The following SGCD variants were observed in gnomAD, a reference collection of about 807,000 sequenced individuals.
The protein encoded by SGCD is sarcoglycan delta.
A neutral mutation model predicts 36.6 loss-of-function variants in SGCD; 18 were observed. The observed-to-expected ratio is 0.49, with a 90% CI of 0.34 to 0.73. SGCD has a LOEUF of 0.73. Ranked by LOEUF, SGCD falls within the 30% of genes least tolerant of loss-of-function variation. SGCD has a pLI of 0.01. For synonymous variants in SGCD, 133 were observed against 130.6 expected, an observed-to-expected ratio of 1.02 and a Z score of -0.12; for missense variants, 387 against 346.7, an observed-to-expected ratio of 1.12 and a Z score of -0.92.
intron 4 of SGCD, among the ~76,000 whole-genome samples, chr5:156,544,005 G>A (rs960813180): frequency 6.6e-6 from 1 of 152,190 alleles, no homozygotes; most frequent in African/African-American, 2.4e-5. Flanking sequence ...GTGTATTCCA[G>A]TGAAGAGGCA....
chr5:155,898,017 A>G (rs1445768653), intron 1 of SGCD, among the ~76,000 whole-genome samples: 2 of 152,250 alleles, frequency 1.3e-5, no homozygotes, highest in Non-Finnish European at 1.5e-5. Flanking sequence ...ACGAATGAGT[A>G]TATGAATGAA....
At chr5:156,291,160 AG>A (rs1293373272) in intron 3 of SGCD, among the ~76,000 whole-genome samples, 1 of 152,152 alleles carries the variant, frequency 6.6e-6, no homozygotes, top group Non-Finnish European at 1.5e-5. Flanking sequence ...GTTAGACAGA[AG>A]GTACAAGTTT....
At chr5:156,516,768 A>G (rs1355773594) in intron 4 of SGCD, among the ~76,000 whole-genome samples, 1 of 152,172 alleles carries the variant, frequency 6.6e-6, no homozygotes, top group African/African-American at 2.4e-5. Flanking sequence ...AGGCCGAGGC[A>G]CATGGATCAC....
the SGCD span, among the ~76,000 whole-genome samples, chr5:155,814,224 T>A: frequency 6.6e-6 from 1 of 152,240 alleles, no homozygotes; most frequent in Non-Finnish European, 1.5e-5. Context: ...ATTACCTTGG[T>A]CCTCTCCACT....
chr5:155,864,413 G>T, the SGCD span, among the ~76,000 whole-genome samples: 1 of 152,082 alleles, frequency 6.6e-6, no homozygotes, highest in African/African-American at 2.4e-5. Flanking sequence ...TGAGCCAAAG[G>T]GTGACATCGG....
In SGCD at chr5:156,370,544, A is replaced by G. The variant is rs529967852; in HGVS notation, c.192+25867A>G. ...TGAAGGGCCTATTACTATTCTCTGC[A>G]CACTGGTGTCTGATGAATGATTTAT... On this transcript the variant is annotated intron_variant, in intron 3 of 8. Transcript: ENST00000337851. Among the ~76,000 whole-genome samples, 112 of 152,318 alleles carry G rather than the reference A, an allele frequency of 7.4e-4. 3 individuals are homozygous for G. In the South Asian group the frequency reaches 0.023, roughly 31 times the overall value.
intron 1 of SGCD, among the ~76,000 whole-genome samples, chr5:155,965,572 G>T (rs1757885868): frequency 1.3e-5 from 2 of 152,112 alleles, no homozygotes; most frequent in Non-Finnish European, 2.9e-5. Flanking sequence ...TATCATGAAT[G>T]CAGGATGTGG....
chr5:156,335,688 C>T (rs1443230437), intron 2 of SGCD, among the ~76,000 whole-genome samples: 6 of 152,306 alleles, frequency 3.9e-5, no homozygotes, highest in Admixed American at 6.5e-5. Flanking sequence ...TCTATCCTCA[C>T]GCTGTTCCCT....
intron 7 of SGCD, among the ~76,000 whole-genome samples, chr5:156,653,493 C>CTTTTTTTTTTTTTTTT (rs111458843): frequency 0.043 from 2,051 of 47,902 alleles, 755 homozygotes; most frequent in Middle Eastern, 0.074. Flanking sequence ...CTAAAGCTTG[C>CTTTTTTTTTTTTTTTT]TTTTTTTTTT....
chr5:155,927,304 C>A (rs1757012085), intron 1 of SGCD, among the ~76,000 whole-genome samples: 2 of 152,132 alleles, frequency 1.3e-5, no homozygotes, highest in Admixed American at 1.3e-4. Context: ...AGCTGAAATG[C>A]ATTGGAATGT....
At chr5:156,435,267 AT>A (rs1398034790) in intron 3 of SGCD, among the ~76,000 whole-genome samples, 5 of 152,194 alleles carry the variant, frequency 3.3e-5, no homozygotes, top group Admixed American at 3.3e-4. Context: ...ACGCATTTTA[AT>A]TTGTGCCCTA....
chr5:156,490,082 C>T (rs1314379479), intron 3 of SGCD, among the ~76,000 whole-genome samples: 1 of 151,774 alleles, frequency 6.6e-6, no homozygotes, highest in Non-Finnish European at 1.5e-5. Context: ...TATAAACAAC[C>T]AAACTCTAAC....
At chr5:155,828,805 G>C in the SGCD span, among the ~76,000 whole-genome samples, 1 of 151,878 alleles carries the variant, frequency 6.6e-6, no homozygotes, top group Non-Finnish European at 1.5e-5. Flanking sequence ...CCCTGCCTCA[G>C]CCTCCCAAGT....
chr5:155,933,724 AC>A (rs1351431734), intron 1 of SGCD, among the ~76,000 whole-genome samples: 1 of 152,236 alleles, frequency 6.6e-6, no homozygotes, highest in Non-Finnish European at 1.5e-5. Context: ...ATATGTACCT[AC>A]CTTGAAGATT....
the SGCD span, among the ~76,000 whole-genome samples, chr5:155,820,188 A>G: frequency 2.0e-5 from 3 of 152,296 alleles, no homozygotes; most frequent in Admixed American, 6.5e-5. Context: ...TCAAGCTTTC[A>G]TCAAAGTCTT....
At chr5:155,868,975 T>C (rs10069258), upstream of SGCD, among the ~76,000 whole-genome samples, 21,505 of 152,188 alleles carry the variant, frequency 0.14, 1,859 homozygotes, top group African/African-American at 0.24. Context: ...GAAAAGTGGC[T>C]GGGAATTCTA....
At chr5:156,490,805 A>T (rs1755905987) in intron 3 of SGCD, among the ~76,000 whole-genome samples, 1 of 152,072 alleles carries the variant, frequency 6.6e-6, no homozygotes, top group Non-Finnish European at 1.5e-5. Flanking sequence ...AAAGACAAGG[A>T]TGCCCACTTT....
intron 7 of SGCD, among the ~76,000 whole-genome samples, chr5:156,660,354 A>G (rs944572703): frequency 2.0e-5 from 3 of 152,408 alleles, no homozygotes; most frequent in African/African-American, 4.8e-5. Context: ...ATTAACATAT[A>G]CTTCTATAGG....
At chr5:156,547,743 T>G (rs1758639273) in intron 4 of SGCD, among the ~76,000 whole-genome samples, 1 of 150,028 alleles carries the variant, frequency 6.7e-6, no homozygotes, top group South Asian at 2.1e-4. Context: ...ATATCATTTT[T>G]ATATAAATAA....
Sources: allele counts gnomAD v4.1 joint callset (sites outside exome capture counted in the v4.1 genomes callset), GRCh38; gene constraint gnomAD v4.1.1; transcripts MANE v1.5; gene names NCBI Gene and HGNC (gene_info 2026-07-23, HGNC 2026-07-21).